Variants in RAD51B observed in about 807,000 individuals in gnomAD.
RAD51B encodes RAD51 paralog B.
Under a neutral mutation model 42.2 loss-of-function variants are expected in RAD51B, and 38 were observed. The observed-to-expected ratio is 0.90, with a 90% CI of 0.70 to 1.18. The LOEUF (loss-of-function observed/expected upper bound fraction) is 1.18. Ranked by LOEUF, RAD51B falls within the 50% of genes most tolerant of loss-of-function variation. RAD51B has a pLI of 0.00. For missense variants in RAD51B, 373 were observed against 400.7 expected, an observed-to-expected ratio of 0.93 and a Z score of 0.59; for synonymous variants, 154 against 145.2, an observed-to-expected ratio of 1.06 and a Z score of -0.43.
intron 7 of RAD51B, among the ~76,000 whole-genome samples, chr14:68,189,778 G>C (rs536469257): frequency 1.4e-3 from 217 of 152,166 alleles, no homozygotes; most frequent in African/African-American, 5.0e-3. Flanking sequence ...CAATTCTCCT[G>C]TCTCAGCCTC....
chr14:67,911,184 G>T lies in RAD51B; in HGVS notation c.756+23980G>T, dbSNP rs529998195. ...TGTTAGCCCTTGGTGATGTTATTGA[G>T]CAGTGTTATCTGTGGGTTTCCAGAT... On this transcript the variant is annotated intron_variant, in intron 7 of 10. Coordinates refer to ENST00000471583, the MANE Select transcript of RAD51B (RefSeq NM_133510.4). 7.9e-5 allele frequency among the ~76,000 whole-genome samples: 12 copies of T among 152,262 alleles called. No individual in the cohort carries two copies. In the South Asian group the frequency reaches 2.5e-3, roughly 32 times the overall value.
intron 7 of RAD51B, among the ~76,000 whole-genome samples, chr14:68,226,980 G>GTCA (rs2080051710): frequency 6.6e-6 from 1 of 152,150 alleles, no homozygotes; most frequent in Admixed American, 6.5e-5. Context: ...TAGGCACTAT[G>GTCA]TTAGGTACAG....
At chr14:68,334,653 A>G (rs1178038639) in intron 8 of RAD51B, among the ~76,000 whole-genome samples, 1 of 152,032 alleles carries the variant, frequency 6.6e-6, no homozygotes, top group Non-Finnish European at 1.5e-5. Context: ...TTATCCATTC[A>G]TCTGTTGATG....
chr14:68,350,977 C>T (rs1345783559), intron 8 of RAD51B, among the ~76,000 whole-genome samples: 1 of 152,198 alleles, frequency 6.6e-6, no homozygotes, highest in East Asian at 1.9e-4. Context: ...GAAAGGAATC[C>T]TTTCTTCATG....
rs57180468 is a variant in RAD51B at position 68,235,703 on chromosome 14, C to CAAAAA, written c.757-56156_757-56152dup. On this transcript the variant is annotated intron_variant, in intron 7 of 10. Coordinates refer to ENST00000471583, the MANE Select transcript of RAD51B (RefSeq NM_133510.4). Reference sequence around the variant, plus strand: ...TGGGCGACAGAGCGAGACTCCGTCTCAAAAAAAAAAAAAAAAAAAAAAAAA... The same window carrying CAAAAA: ...TGGGCGACAGAGCGAGACTCCGTCTCAAAAAAAAAAAAAAAAAAAAAAAAAAAAAA... Among the ~76,000 whole-genome samples the CAAAAA allele has an allele frequency of 6.4e-3, 90 of 14,064 alleles. 8 individuals are homozygous for CAAAAA. Among genetic ancestry groups the CAAAAA allele is most frequent in the African/African-American group, 0.014 (86 of 6,286 alleles). The allele number at this position is 14,064 out of a possible 152,430, so 9.2% of individuals were successfully genotyped here.
chr14:68,036,458 A>C (rs2076124401), intron 7 of RAD51B, among the ~76,000 whole-genome samples: 1 of 152,242 alleles, frequency 6.6e-6, no homozygotes. Flanking sequence ...TAAAGTAATG[A>C]CTAGAAGACT....
At chr14:68,477,114 G>A (rs899954246) in intron 10 of RAD51B, among the ~76,000 whole-genome samples, 1 of 152,188 alleles carries the variant, frequency 6.6e-6, no homozygotes, top group Non-Finnish European at 1.5e-5. Flanking sequence ...TGGAACAAAG[G>A]GTGTGAGGCA....
chr14:68,681,343 A>G (rs1330880737), intron 11 of RAD51B, among the ~76,000 whole-genome samples: 1 of 152,212 alleles, frequency 6.6e-6, no homozygotes, highest in East Asian at 1.9e-4. Context: ...AGGATCTTAT[A>G]AGAAATGACA....
At chr14:68,397,946 G>A (rs2083973785) in intron 8 of RAD51B, among the ~76,000 whole-genome samples, 1 of 152,170 alleles carries the variant, frequency 6.6e-6, no homozygotes, top group Non-Finnish European at 1.5e-5. Context: ...CATATGTGAG[G>A]CCAGCATTCC....
At chr14:68,296,009 G>T (rs1283330127) in intron 8 of RAD51B, among the ~76,000 whole-genome samples, 2 of 152,204 alleles carry the variant, frequency 1.3e-5, no homozygotes, top group Admixed American at 1.3e-4. Flanking sequence ...GAGTGAGAAA[G>T]AGACAGCAAT....
intron 8 of RAD51B, among the ~76,000 whole-genome samples, chr14:68,348,039 A>G (rs933747565): frequency 1.4e-4 from 21 of 152,206 alleles, no homozygotes; most frequent in African/African-American, 4.8e-4. Context: ...GCAAGTACCT[A>G]TCTTGGCACC....
chr14:68,270,075 C>T (rs2081074855), intron 7 of RAD51B, among the ~76,000 whole-genome samples: 1 of 152,156 alleles, frequency 6.6e-6, no homozygotes, highest in South Asian at 2.1e-4. Flanking sequence ...TAATACTAAC[C>T]CTAAGAATAA....
intron 10 of RAD51B, among the ~76,000 whole-genome samples, chr14:68,648,516 T>C (rs534637204): frequency 1.3e-5 from 2 of 151,902 alleles, no homozygotes; most frequent in African/African-American, 4.8e-5. Flanking sequence ...ATTAGTGGGA[T>C]ATTTGTGAGT....
intron 10 of RAD51B, among the ~76,000 whole-genome samples, chr14:68,533,275 T>C (rs1264321545): frequency 6.6e-6 from 1 of 152,176 alleles, no homozygotes; most frequent in Non-Finnish European, 1.5e-5. Context: ...GTAAAACTAA[T>C]TGGAAGGGAG....
At chr14:68,120,611 G>C (rs2077632998) in intron 7 of RAD51B, among the ~76,000 whole-genome samples, 1 of 152,150 alleles carries the variant, frequency 6.6e-6, no homozygotes, top group Admixed American at 6.6e-5. Flanking sequence ...CATCTGAGAA[G>C]GACAGGTCTT....
intron 7 of RAD51B, among the ~76,000 whole-genome samples, chr14:68,184,729 T>C (rs1391137164): frequency 6.6e-6 from 1 of 152,146 alleles, no homozygotes; most frequent in African/African-American, 2.4e-5. Context: ...TGCAGGTGCT[T>C]CTCTCCAAAG....
intron 10 of RAD51B, among the ~76,000 whole-genome samples, chr14:68,515,914 T>G (rs1886120175): frequency 6.6e-6 from 1 of 151,592 alleles, no homozygotes; most frequent in African/African-American, 2.4e-5. Context: ...GCCTCCCGAG[T>G]AGCTGGGACC....
chr14:68,648,043 G>GTA (rs1477735602), intron 10 of RAD51B, among the ~76,000 whole-genome samples: 2 of 52,886 alleles, frequency 3.8e-5, no homozygotes, highest in African/African-American at 6.7e-5. Flanking sequence ...ATATACACAC[G>GTA]TATATAGATG....
At chr14:67,829,179 C>G (rs1259313650) in intron 3 of RAD51B, among the ~76,000 whole-genome samples, 2 of 151,742 alleles carry the variant, frequency 1.3e-5, no homozygotes, top group East Asian at 3.9e-4. Flanking sequence ...GTTTGTAGTT[C>G]TGCTTGAAGA....
Sources: allele counts gnomAD v4.1 joint callset (sites outside exome capture counted in the v4.1 genomes callset), GRCh38; gene constraint gnomAD v4.1.1; transcripts MANE v1.5; gene names NCBI Gene and HGNC (gene_info 2026-07-23, HGNC 2026-07-21).